Variants in GIT2 observed in about 807,000 individuals in gnomAD.
GIT2 encodes ARF GTPase-activating protein GIT2.
A neutral mutation model predicts 100.3 loss-of-function variants in GIT2; 32 were observed. That is an observed-to-expected ratio of 0.32 (90% confidence interval 0.24 to 0.43). The LOEUF is 0.43. Ranked by LOEUF, GIT2 falls within the 20% of genes least tolerant of loss-of-function variation. The probability of loss-of-function intolerance (pLI) is 1.00; values close to 1 mark genes in which losing one functional copy is unlikely to be tolerated. For synonymous variants in GIT2, 353 were observed against 364.1 expected (o/e 0.97, Z 0.35); for missense variants, 737 against 975.1 (o/e 0.76, Z 3.25).
chr12:109,979,702 C>T (rs1253232437), intron 7 of GIT2, among the ~76,000 whole-genome samples: 1 of 152,148 alleles, frequency 6.6e-6, no homozygotes, highest in East Asian at 1.9e-4. Flanking sequence ...ATCTACCAAC[C>T]AGGATTTACT....
intron 7 of GIT2, among the ~76,000 whole-genome samples, chr12:109,973,261 C>G (rs143350744): frequency 6.6e-6 from 1 of 152,276 alleles, no homozygotes; most frequent in African/African-American, 2.4e-5. Context: ...CTGCCTCAGC[C>G]TCCCAAGTAG....
intron 7 of GIT2, 69 bp downstream of exon 7, chr12:109,980,883 G>T: frequency 1.1e-6 from 1 of 905,692 alleles, no homozygotes; most frequent in Non-Finnish European, 1.9e-6. Context: ...ATAACAAATA[G>T]TGTCCCAACT....
intron 18 of GIT2, among the ~76,000 whole-genome samples, chr12:109,937,225 T>C (rs954656871): frequency 2.0e-5 from 3 of 151,972 alleles, no homozygotes; most frequent in African/African-American, 7.2e-5. Flanking sequence ...GTGAGCCATA[T>C]AAAAAAGGGT....
At chr12:109,983,221 T>C in intron 6 of GIT2, 152 bp downstream of exon 6, 1 of 687,840 alleles carries the variant, frequency 1.5e-6, no homozygotes, top group Non-Finnish European at 2.4e-6. Flanking sequence ...AGGCTGAGCT[T>C]ATATGCATTT....
In GIT2 at chr12:109,996,338, C is replaced by T. The variant is rs1889426643; in HGVS notation, c.-114G>A. 8 of 693,912 alleles carry T rather than the reference C, an allele frequency of 1.2e-5. No homozygotes were observed. The highest frequency in any genetic ancestry group is 1.1e-4 in the South Asian group (6 of 53,010). The allele number at this position is 693,912 out of a possible 1,614,324, so 43.0% of individuals were successfully genotyped here. On this transcript the variant is annotated 5_prime_UTR_variant, in exon 1 of 20. Transcript: ENST00000355312. ...GCTGCGGCGGCGCTGACGGCGGCGC[C>T]TCTCCCCTCAGCGCCTTGCAGCCTT... is the stretch of plus-strand genomic sequence containing the variant.
In GIT2 at chr12:109,933,904, A is replaced by G. The variant is rs952619314; in HGVS notation, c.2067+118T>C. ...GCGTGAGCCACCACACCCGGCCTCG[A>G]CTGCATATTTTAAAACTGCATGTGC... On this transcript the variant is annotated intron_variant, in intron 19 of 19. Transcript: ENST00000355312. This position sits in a 1 kb window ranked among gnomAD's most constrained non-coding sequence, Gnocchi z 4.5. 8.4e-6 allele frequency: 6 copies of G among 717,194 alleles called. No individual in the cohort carries two copies. The highest frequency in any genetic ancestry group is 5.9e-5 in the Admixed American group (3 of 51,188). 44.4% of individuals were successfully genotyped at this position (717,194 alleles called of 1,614,324 possible). A position where few individuals can be genotyped will look rare whatever the true frequency, so the allele number is the denominator to read the frequency against.
At chr12:109,978,076 GTTTTTTTT>G (rs111855474) in intron 7 of GIT2, among the ~76,000 whole-genome samples, 26 of 93,514 alleles carry the variant, frequency 2.8e-4, no homozygotes, top group East Asian at 2.6e-3. Flanking sequence ...AAATTTAGAG[GTTTTTTTT>G]TTTTTTTTTT....
intron 12 of GIT2, 63 bp downstream of exon 12, chr12:109,959,784 T>G: frequency 1.0e-6 from 1 of 960,196 alleles, no homozygotes; most frequent in Non-Finnish European, 1.7e-6. Context: ...GTTTATAACT[T>G]TAACACCTGA....
chr12:109,934,197 G>A lies in GIT2; in HGVS notation c.2004-112C>T. On this transcript the variant is annotated intron_variant, in intron 18 of 19. Coordinates refer to ENST00000355312, the MANE Select transcript of GIT2 (RefSeq NM_057169.5). The surrounding 1 kb of genome is among the most constrained non-coding windows in gnomAD (Gnocchi z 4.5). ...ACATTCCCTTCATGAAGGGGCTAGG[G>A]CTGCAGTCAGCCGTGCATCCCACAC... 1.4e-6 allele frequency: 1 copy of A among 705,218 alleles called. No individual in the cohort carries two copies. Among genetic ancestry groups the A allele is most frequent in the Non-Finnish European group, 2.6e-6 (1 of 379,326 alleles). The allele number at this position is 705,218 out of a possible 1,614,324, so 43.7% of individuals were successfully genotyped here.
chr12:109,943,305 T>C (rs1052108722), intron 16 of GIT2, among the ~76,000 whole-genome samples: 2 of 152,118 alleles, frequency 1.3e-5, no homozygotes, highest in South Asian at 2.1e-4. Flanking sequence ...TAATGAAACA[T>C]TACAGTTCAA....
intron 1 of GIT2, among the ~76,000 whole-genome samples, chr12:109,994,519 T>C (rs1044863046): frequency 6.6e-6 from 1 of 152,170 alleles, no homozygotes; most frequent in African/African-American, 2.4e-5. Flanking sequence ...AGCTGCTCAA[T>C]TTCACAGAAT....
chr12:109,972,566 T>G (rs914534245), intron 7 of GIT2, among the ~76,000 whole-genome samples: 1 of 151,942 alleles, frequency 6.6e-6, no homozygotes, highest in Non-Finnish European at 1.5e-5. Flanking sequence ...CTTCCCGGGT[T>G]CTAAGTGATT....
At chr12:109,985,419 A>AGC (rs1887171402) in intron 4 of GIT2, among the ~76,000 whole-genome samples, 1 of 151,456 alleles carries the variant, frequency 6.6e-6, no homozygotes, top group African/African-American at 2.4e-5. Context: ...GGATTAAAAA[A>AGC]GGGGGGGGAA....
At chr12:109,978,339 TC>T (rs916294802) in intron 7 of GIT2, among the ~76,000 whole-genome samples, 7 of 152,084 alleles carry the variant, frequency 4.6e-5, no homozygotes, top group Admixed American at 2.0e-4. Flanking sequence ...CGCCTCAGCC[TC>T]CCAAAGTGCT....
upstream of GIT2, chr12:109,999,722 C>G: frequency 6.5e-7 from 1 of 1,538,492 alleles, no homozygotes; most frequent in East Asian, 2.5e-5. The surrounding 1 kb of genome is among the most constrained non-coding windows in gnomAD (Gnocchi z 4.3). Context: ...CGACCACTAC[C>G]CCCTGCACCT....
At chr12:109,989,833 A>T in intron 2 of GIT2, 31 bp from the exon 3 acceptor site, 1 of 1,141,250 alleles carries the variant, frequency 8.8e-7, no homozygotes, top group Middle Eastern at 2.3e-4. Context: ...ATAAGACTTT[A>T]ATTTCTTTTC....
At chr12:109,993,637 T>C (rs1019886080) in intron 1 of GIT2, among the ~76,000 whole-genome samples, 9 of 152,232 alleles carry the variant, frequency 5.9e-5, no homozygotes, top group African/African-American at 2.2e-4. Context: ...ACCTCACACA[T>C]AGTAAAGTAG....
chr12:109,963,341 A>G (rs1297422502), intron 9 of GIT2, among the ~76,000 whole-genome samples: 1 of 152,202 alleles, frequency 6.6e-6, no homozygotes, highest in Admixed American at 6.5e-5. Flanking sequence ...TTTGCTTCAT[A>G]AATATCTAGT....
At chr12:109,954,919 A>T (rs1878997100) in intron 12 of GIT2, among the ~76,000 whole-genome samples, 1 of 151,906 alleles carries the variant, frequency 6.6e-6, no homozygotes, top group Non-Finnish European at 1.5e-5. Context: ...AATAATAATA[A>T]TAATAAAGGA....
Sources: gnomAD v4.1 joint callset for allele counts (sites outside exome capture counted in the v4.1 genomes callset) on GRCh38, gnomAD v4.1.1 for gene constraint, Gnocchi (gnomAD v3.1) non-coding constraint, MANE v1.5 for transcripts, NCBI Gene and HGNC (gene_info 2026-07-23, HGNC 2026-07-21) for gene names.